The following PDE4D variants were observed in gnomAD, a reference collection of about 807,000 sequenced individuals.
The protein encoded by PDE4D is 3',5'-cyclic-AMP phosphodiesterase 4D.
PDE4D carries 24 observed loss-of-function variants against 87.4 expected under a neutral mutation model. The observed-to-expected ratio is 0.27, with a 90% confidence interval of 0.20 to 0.39. The LOEUF (loss-of-function observed/expected upper bound fraction) is 0.39. Ranked by LOEUF, PDE4D falls within the 10% of genes least tolerant of loss-of-function variation. PDE4D has a pLI of 1.00. For missense variants in PDE4D, 714 were observed against 1,041.0 expected, an observed-to-expected ratio of 0.69 and a Z score of 4.32; for synonymous variants, 384 against 383.2, an observed-to-expected ratio of 1.00 and a Z score of -0.02.
intron 1 of PDE4D, among the ~76,000 whole-genome samples, chr5:59,248,634 G>C (rs1256421080): frequency 6.6e-6 from 1 of 152,104 alleles, no homozygotes; most frequent in Non-Finnish European, 1.5e-5. Context: ...TTGTAATGTA[G>C]TATGTTTCTC....
Position 59,812,976 on chromosome 5 carries a change from T to A in PDE4D, c.455+80192A>T, listed in dbSNP as rs565277113. Among the ~76,000 whole-genome samples the A allele has an allele frequency of 3.1e-4, 47 of 152,380 alleles. 1 individual carries two copies. The Middle Eastern group carries it at 0.01, about 33-fold the overall frequency. On this transcript the variant is annotated intron_variant, in intron 1 of 14. Coordinates refer to ENST00000340635, the MANE Select transcript of PDE4D (RefSeq NM_001104631.2). ...ATTTCATTTAAAGTGGGAGACATAA[T>A]AATATTCCTAAATTCTGATACCAAT...
chr5:60,467,046 T>A (rs1747411402), intron 1 of PDE4D, among the ~76,000 whole-genome samples: 2 of 152,000 alleles, frequency 1.3e-5, no homozygotes, highest in South Asian at 4.1e-4. Flanking sequence ...TTATTTTATT[T>A]TATTTATTTT....
At chr5:59,302,001 T>C (rs964825599) in intron 1 of PDE4D, among the ~76,000 whole-genome samples, 9 of 152,126 alleles carry the variant, frequency 5.9e-5, no homozygotes, top group African/African-American at 2.2e-4. Flanking sequence ...AGTTTGGCCT[T>C]CCTTCGGGGA....
intron 5 of PDE4D, among the ~76,000 whole-genome samples, chr5:59,171,322 A>G (rs1782733547): frequency 6.6e-6 from 1 of 152,170 alleles, no homozygotes; most frequent in African/African-American, 2.4e-5. Flanking sequence ...GAGCTGCATT[A>G]TCTTGATCCT....
At chr5:60,118,596 T>TG (rs1554162850) in intron 2 of PDE4D, among the ~76,000 whole-genome samples, 1 of 151,000 alleles carries the variant, frequency 6.6e-6, no homozygotes, top group Non-Finnish European at 1.5e-5. Context: ...TGTGTGTGTG[T>TG]TTACTGAGAA....
At chr5:59,768,217 C>T (rs904900953) in intron 1 of PDE4D, 2 of 1,593,428 alleles carry the variant, frequency 1.3e-6, no homozygotes, top group African/African-American at 1.3e-5. Context: ...GAAACGGCCA[C>T]CATTTCTGCG....
chr5:60,192,195 G>T (rs1785250992), intron 1 of PDE4D, among the ~76,000 whole-genome samples: 1 of 151,890 alleles, frequency 6.6e-6, no homozygotes, highest in Admixed American at 6.6e-5. Context: ...ATCAAAATAT[G>T]GGGTATATTC....
At chr5:60,360,721 T>C (rs978457923) in intron 1 of PDE4D, among the ~76,000 whole-genome samples, 1 of 152,230 alleles carries the variant, frequency 6.6e-6, no homozygotes, top group African/African-American at 2.4e-5. Context: ...ATAGGGACAG[T>C]GCTGAATCAT....
intron 1 of PDE4D, among the ~76,000 whole-genome samples, chr5:59,701,844 TACA>T (rs1337367776): frequency 1.3e-5 from 2 of 152,184 alleles, no homozygotes; most frequent in Non-Finnish European, 2.9e-5. Flanking sequence ...TCAATTCCTC[TACA>T]GCTTTGCATC....
At chr5:59,160,826 G>C (rs1780972036) in intron 5 of PDE4D, among the ~76,000 whole-genome samples, 1 of 152,118 alleles carries the variant, frequency 6.6e-6, no homozygotes, top group South Asian at 2.1e-4. Context: ...GGCCGGGTGT[G>C]GTGGCTCACG....
intron 1 of PDE4D, among the ~76,000 whole-genome samples, chr5:60,499,781 TG>T (rs1335704242): frequency 1.3e-5 from 2 of 152,196 alleles, no homozygotes; most frequent in African/African-American, 4.8e-5. Context: ...GTTGCACTGC[TG>T]GCCCAGACCA....
chr5:60,209,098 C>A (rs1393995779), intron 1 of PDE4D, among the ~76,000 whole-genome samples: 2 of 151,928 alleles, frequency 1.3e-5, no homozygotes, highest in Non-Finnish European at 2.9e-5. Flanking sequence ...GAAATCTGTG[C>A]TGGAAACCTC....
chr5:59,127,331 T>A (rs1179639747), intron 5 of PDE4D, among the ~76,000 whole-genome samples: 1 of 152,238 alleles, frequency 6.6e-6, no homozygotes, highest in Non-Finnish European at 1.5e-5. Context: ...GAGGCTTATG[T>A]GGCTCAGGGC....
intron 1 of PDE4D, among the ~76,000 whole-genome samples, chr5:59,654,593 GC>G (rs1291026603): frequency 6.6e-6 from 1 of 152,168 alleles, no homozygotes; most frequent in African/African-American, 2.4e-5. Flanking sequence ...TTATAGAGAT[GC>G]AACTGAAATA....
At chr5:59,342,841 G>A (rs1778968715) in intron 1 of PDE4D, among the ~76,000 whole-genome samples, 1 of 152,000 alleles carries the variant, frequency 6.6e-6, no homozygotes, top group Non-Finnish European at 1.5e-5. Context: ...TACATTTATA[G>A]TGCGCAAGAT....
chr5:59,542,465 A>T (rs1048841450), intron 1 of PDE4D, among the ~76,000 whole-genome samples: 2 of 152,194 alleles, frequency 1.3e-5, no homozygotes, highest in Non-Finnish European at 2.9e-5. Context: ...TTGATGAACC[A>T]TTTTAGCACT....
At chr5:60,518,665 G>A (rs1046249993) in intron 1 of PDE4D, among the ~76,000 whole-genome samples, 1 of 152,118 alleles carries the variant, frequency 6.6e-6, no homozygotes, top group African/African-American at 2.4e-5. Flanking sequence ...GACCACTTGT[G>A]TATGGTATTT....
intron 1 of PDE4D, among the ~76,000 whole-genome samples, chr5:60,252,290 T>C (rs947930181): frequency 2.0e-5 from 3 of 151,946 alleles, no homozygotes; most frequent in African/African-American, 7.2e-5. Context: ...AATGTACTTT[T>C]TAAACAAAGA....
At chr5:60,400,889 G>A (rs1011066421) in intron 1 of PDE4D, among the ~76,000 whole-genome samples, 30 of 152,326 alleles carry the variant, frequency 2.0e-4, no homozygotes, top group Non-Finnish European at 3.8e-4. Flanking sequence ...CCGAGATCAT[G>A]TGGTATTGGG....
Sources: gnomAD v4.1 joint callset for allele counts (sites outside exome capture counted in the v4.1 genomes callset) on GRCh38, gnomAD v4.1.1 for gene constraint, MANE v1.5 for transcripts, NCBI Gene and HGNC (gene_info 2026-07-23, HGNC 2026-07-21) for gene names.